Variants in CAMTA1 observed in about 807,000 individuals in gnomAD.
CAMTA1 encodes the protein calmodulin-binding transcription activator 1.
A neutral mutation model predicts 170.9 loss-of-function variants in CAMTA1; 27 were observed. The observed-to-expected ratio is 0.16, with a 90% CI of 0.12 to 0.22. The LOEUF (loss-of-function observed/expected upper bound fraction) is 0.22, where lower values mean the gene tolerates loss of function less well. Ranked by LOEUF, CAMTA1 falls within the 10% of genes least tolerant of loss-of-function variation. The pLI, the probability that CAMTA1 is intolerant of heterozygous loss-of-function variation, is 1.00. For synonymous variants in CAMTA1, 833 were observed against 891.5 expected (o/e 0.93, Z 1.17); for missense variants, 1,619 against 2,217.2 (o/e 0.73, Z 5.42).
rs560399811 is a variant in CAMTA1 at position 7,565,849 on chromosome 1, G to C, written c.511-74551G>C. On this transcript the variant is annotated intron_variant, in intron 6 of 22. Coordinates refer to ENST00000303635, the MANE Select transcript of CAMTA1 (RefSeq NM_015215.4). This position sits in a 1 kb window ranked among gnomAD's most constrained non-coding sequence, Gnocchi z 4.5. ...CTGGAGGGCCAAGATCAGGATGCTA[G>C]CGTGGTTGGGGGCTGGTGAGGACTC... Among the ~76,000 whole-genome samples the C allele has an allele frequency of 1.3e-5, 2 of 152,228 alleles. No homozygotes were observed. The highest frequency in any genetic ancestry group is 2.1e-4 in the South Asian group (1 of 4,822).
chr1:7,345,350 G>A (rs1308724067), intron 5 of CAMTA1, among the ~76,000 whole-genome samples: 1 of 152,064 alleles, frequency 6.6e-6, no homozygotes, highest in Non-Finnish European at 1.5e-5. Context: ...TTAAAGTTTT[G>A]ATGTTGACAT....
At chr1:7,689,570 C>A (rs2096288321) in intron 11 of CAMTA1, among the ~76,000 whole-genome samples, 2 of 151,710 alleles carry the variant, frequency 1.3e-5, no homozygotes, top group Non-Finnish European at 2.9e-5. Context: ...CAGAGCGAGA[C>A]CATCTCAAAA....
chr1:6,997,303 C>T (rs1697419254), intron 3 of CAMTA1, among the ~76,000 whole-genome samples: 2 of 152,000 alleles, frequency 1.3e-5, no homozygotes, highest in African/African-American at 2.4e-5. Context: ...TGAGGGGATG[C>T]GTTAAAGTCT....
chr1:7,206,586 T>C (rs543352308), intron 4 of CAMTA1, among the ~76,000 whole-genome samples: 3 of 152,226 alleles, frequency 2.0e-5, no homozygotes, highest in Non-Finnish European at 4.4e-5. Flanking sequence ...CTATTATTTA[T>C]TTTCACTGCT....
At chr1:7,222,674 A>G (rs1157825242) in intron 4 of CAMTA1, among the ~76,000 whole-genome samples, 1 of 152,140 alleles carries the variant, frequency 6.6e-6, no homozygotes, top group Non-Finnish European at 1.5e-5. Flanking sequence ...CACTGCCCAG[A>G]GCTGCCTCCT....
At chr1:6,845,810 A>G (rs562912838) in intron 3 of CAMTA1, among the ~76,000 whole-genome samples, 7 of 152,334 alleles carry the variant, frequency 4.6e-5, no homozygotes, top group Non-Finnish European at 5.9e-5. Context: ...AGTTTTGAAA[A>G]TAGGTTAATG....
intron 6 of CAMTA1, among the ~76,000 whole-genome samples, chr1:7,485,212 G>A (rs183147258): frequency 9.9e-5 from 15 of 152,236 alleles, no homozygotes; most frequent in African/African-American, 3.4e-4. Context: ...TGAAAGCCAC[G>A]GCCCTTGTGC....
At chr1:7,477,473 A>G (rs1370018450) in intron 6 of CAMTA1, among the ~76,000 whole-genome samples, 1 of 152,216 alleles carries the variant, frequency 6.6e-6, no homozygotes, top group Non-Finnish European at 1.5e-5. Context: ...TTAAGATTTC[A>G]GGACCCTTGC....
At chr1:7,587,464 G>C (rs377293259) in intron 6 of CAMTA1, among the ~76,000 whole-genome samples, 1 of 152,130 alleles carries the variant, frequency 6.6e-6, no homozygotes, top group Non-Finnish European at 1.5e-5. Context: ...TGATTTCAGC[G>C]CTGAATATCT....
intron 5 of CAMTA1, among the ~76,000 whole-genome samples, chr1:7,431,585 C>G (rs1035253897): frequency 6.6e-6 from 1 of 152,204 alleles, no homozygotes; most frequent in African/African-American, 2.4e-5. Context: ...ACTGCCCTCC[C>G]GAATGGACGG....
chr1:7,732,461 G>A lies in CAMTA1; in HGVS notation c.2928G>A (p.Arg976=). The A allele has an allele frequency of 3.1e-6, 5 of 1,613,960 alleles. No individual in the cohort carries two copies. Among genetic ancestry groups the A allele is most frequent in the Non-Finnish European group, 4.2e-6 (5 of 1,179,980 alleles). The change falls in exon 12 of 23, where the codon AGG becomes AGA. Residue 976 remains arginine (R), a synonymous_variant. Coordinates refer to ENST00000303635, the MANE Select transcript of CAMTA1 (RefSeq NM_015215.4). This position sits in a 1 kb window ranked among gnomAD's most constrained non-coding sequence, Gnocchi z 4.1. The part of the protein sequence containing the change: ...DWLSLDDNQF[R]MSILERLEQM... ...GCTCTGCCCTAGATAACCAGTTCAG[G>A]ATGTCCATCCTGGAACGACTGGAGC...
At chr1:7,279,549 C>T (rs556957682) in intron 5 of CAMTA1, among the ~76,000 whole-genome samples, 16 of 152,196 alleles carry the variant, frequency 1.1e-4, no homozygotes, top group South Asian at 8.3e-4. Flanking sequence ...CAGCTCGGTA[C>T]GGGGAGCAGC....
rs114992440 is a variant in CAMTA1 at position 7,674,381 on chromosome 1, C to T, written c.2780-3218C>T. Among the ~76,000 whole-genome samples, 286 of 152,156 alleles carry T rather than the reference C, an allele frequency of 1.9e-3. 1 individual carries two copies. Among genetic ancestry groups the T allele is most frequent in the African/African-American group, 6.4e-3 (266 of 41,524 alleles). On this transcript the variant is annotated intron_variant, in intron 10 of 22. Coordinates refer to ENST00000303635, the MANE Select transcript of CAMTA1 (RefSeq NM_015215.4). This position sits in a 1 kb window ranked among gnomAD's most constrained non-coding sequence, Gnocchi z 4.1. ...GAGAGGAGGTGCTGGGGAAAAGAGG[C>T]GACTCAGGCTTGGGAGAAGATAGGG...
rs1394012827 is a variant in CAMTA1, at chr1:7,685,941, C to T, written c.2914+8208C>T. On this transcript the variant is annotated intron_variant, in intron 11 of 22. Transcript: ENST00000303635. The surrounding 1 kb of genome is among the most constrained non-coding windows in gnomAD (Gnocchi z 5.7). ...GGAGTCACCCCTTGCTCACTCCCTC[C>T]CCGACATCCCAATACTAGCCTAGCA... Among the ~76,000 whole-genome samples, 2 of 152,198 alleles carry T rather than the reference C, an allele frequency of 1.3e-5. No homozygotes were observed. The highest frequency in any genetic ancestry group is 2.9e-5 in the Non-Finnish European group (2 of 68,030).
chr1:7,131,974 G>T (rs1265502220), intron 4 of CAMTA1, among the ~76,000 whole-genome samples: 1 of 152,048 alleles, frequency 6.6e-6, no homozygotes, highest in East Asian at 1.9e-4. Flanking sequence ...AGAATCGCCT[G>T]AACCTGGGAG....
At chr1:7,391,081 C>T (rs768874830) in intron 5 of CAMTA1, among the ~76,000 whole-genome samples, 3 of 152,018 alleles carry the variant, frequency 2.0e-5, no homozygotes, top group Non-Finnish European at 4.4e-5. Context: ...CACCGCAACC[C>T]CCACCTCCCA....
intron 4 of CAMTA1, among the ~76,000 whole-genome samples, chr1:7,244,527 G>A (rs1382319648): frequency 6.6e-6 from 1 of 152,196 alleles, no homozygotes; most frequent in Non-Finnish European, 1.5e-5. Context: ...TTAAGAAAAT[G>A]TGGCACATAT....
At chr1:7,437,446 A>G (rs558395558) in intron 5 of CAMTA1, among the ~76,000 whole-genome samples, 1 of 152,114 alleles carries the variant, frequency 6.6e-6, no homozygotes, top group South Asian at 2.1e-4. Context: ...CCTCATGTTT[A>G]CTTGGCATTC....
At chr1:7,476,162 T>G (rs74053020) in intron 6 of CAMTA1, among the ~76,000 whole-genome samples, 15 of 152,208 alleles carry the variant, frequency 9.9e-5, no homozygotes, top group Non-Finnish European at 1.9e-4. Flanking sequence ...TCCAGAGCAC[T>G]TGGACCTCGG....
Sources: allele counts gnomAD v4.1 joint callset (sites outside exome capture counted in the v4.1 genomes callset), GRCh38; gene constraint gnomAD v4.1.1; non-coding constraint Gnocchi (gnomAD v3.1); transcripts MANE v1.5; gene names NCBI Gene and HGNC (gene_info 2026-07-23, HGNC 2026-07-21).